Variants in MGAT4A observed in about 807,000 individuals in gnomAD.
The protein encoded by MGAT4A is alpha-1,3-mannosyl-glycoprotein 4-beta-N-acetylglucosaminyltransferase A.
A neutral mutation model predicts 74.1 loss-of-function variants in MGAT4A; 33 were observed. That is an observed-to-expected ratio of 0.45 (90% CI 0.34 to 0.60). MGAT4A has a LOEUF of 0.60. Among genes scored for constraint, MGAT4A ranks in the 20% least tolerant of loss-of-function variants. The pLI is 0.02. For synonymous variants in MGAT4A, 198 were observed against 210.4 expected, an observed-to-expected ratio of 0.94 and a Z score of 0.51; for missense variants, 479 against 628.3, an observed-to-expected ratio of 0.76 and a Z score of 2.54.
chr2:98,680,132 C>G (rs1481684623), intron 2 of MGAT4A, among the ~76,000 whole-genome samples: 1 of 151,606 alleles, frequency 6.6e-6, no homozygotes. Context: ...CAACCTCCGC[C>G]CCCTGGATTC....
At chr2:98,687,834 G>A (rs561357053) in intron 2 of MGAT4A, among the ~76,000 whole-genome samples, 23 of 152,276 alleles carry the variant, frequency 1.5e-4, no homozygotes, top group Non-Finnish European at 2.5e-4. Context: ...TCCAGGCTGC[G>A]GCACTCCCAC....
chr2:98,645,480 T>C lies in MGAT4A; in HGVS notation c.837A>G (p.Gln279=). The C allele has an allele frequency of 2.5e-6, 4 of 1,594,162 alleles. No homozygotes were observed. The highest frequency in any genetic ancestry group is 1.7e-4 in the Middle Eastern group (1 of 5,938). ...GAATCATCCATTCCTCAGAAGAAAG[T>C]TGAAGTGCAAAATTTTTTATGGTAT... is the stretch of plus-strand genomic sequence containing the variant. ...YFNTIKNFAL[Q]LSSEEWMILE... The change falls in exon 9 of 16, where the codon CAA becomes CAG. Residue 279 remains glutamine (Q), a synonymous_variant. Transcript: ENST00000393487.
intron 6 of MGAT4A, among the ~76,000 whole-genome samples, chr2:98,657,314 A>G (rs2104262137): frequency 6.6e-6 from 1 of 152,254 alleles, no homozygotes; most frequent in Non-Finnish European, 1.5e-5. Context: ...TTTTCTACAC[A>G]CTAAGGAAGA....
chr2:98,639,919 T>C lies in MGAT4A; in HGVS notation c.1211A>G (p.Gln404Arg). 1 of 1,614,156 alleles carries C rather than the reference T, an allele frequency of 6.2e-7. No individual in the cohort carries two copies. The highest frequency in any genetic ancestry group is 8.5e-7 in the Non-Finnish European group (1 of 1,179,990). The part of the protein sequence containing the change: ...AEVSTSLKVY[Q>R]GHTLEKTYMG... ...GTAAGTTTTCTCCAGCGTATGCCCTTGGTAGACCTTCAAGGAAGTAGATAC... is the reference window on the plus strand; with the variant it reads ...GTAAGTTTTCTCCAGCGTATGCCCTCGGTAGACCTTCAAGGAAGTAGATAC... The change falls in exon 12 of 16, where the codon CAA becomes CGA. Residue 404 changes from glutamine to arginine, a missense_variant. Coordinates refer to ENST00000393487, the MANE Select transcript of MGAT4A (RefSeq NM_012214.3).
intron 8 of MGAT4A, among the ~76,000 whole-genome samples, chr2:98,647,410 G>A (rs1481636417): frequency 2.0e-5 from 3 of 152,154 alleles, no homozygotes; most frequent in African/African-American, 7.2e-5. Context: ...TGCCTCTTGG[G>A]TTCAAGTGAT....
chr2:98,656,535 T>A, intron 6 of MGAT4A, 70 bp from the exon 7 acceptor site: 1 of 1,032,966 alleles, frequency 9.7e-7, no homozygotes, highest in Non-Finnish European at 1.5e-6. Flanking sequence ...CTCAATACAC[T>A]GTGTTTAACA....
At chr2:98,648,722 CAA>C (rs1339443335) in intron 8 of MGAT4A, among the ~76,000 whole-genome samples, 50 of 121,548 alleles carry the variant, frequency 4.1e-4, no homozygotes, top group Non-Finnish European at 4.6e-4. Context: ...ACCCTGTCTC[CAA>C]AAAAAAAAAA....
chr2:98,655,905 A>G (rs1173828188), intron 7 of MGAT4A: 2 of 184,174 alleles, frequency 1.1e-5, no homozygotes, highest in Non-Finnish European at 2.2e-5. Context: ...TTCCTTGACC[A>G]CAGACCCTTT....
chr2:98,630,634 T>C (rs1207713682), intron 14 of MGAT4A, among the ~76,000 whole-genome samples: 2 of 152,136 alleles, frequency 1.3e-5, no homozygotes, highest in African/African-American at 4.8e-5. Context: ...GGCATTTTGT[T>C]CCATGAAAAA....
At position 98,678,438 on chromosome 2, in the gene MGAT4A, G is replaced by A. The variant is rs140376919; in HGVS notation, c.128C>T (p.Ala43Val). Residue 43 changes from alanine (A) to valine (V), a missense_variant, in exon 3 of 16, where the codon GCT (alanine) becomes GTT (valine). Transcript: ENST00000393487. ...AGCTATTCGAAGACGTTCTTTCAAA[G>A]CAAGGAATTCTCGTTGATAAGCAAT... ...KLIAYQREFLALKERLRIAEH... is the reference protein window; with the variant it reads ...KLIAYQREFLVLKERLRIAEH... 517 of 1,582,012 alleles carry A rather than the reference G, an allele frequency of 3.3e-4. No individual in the cohort carries two copies. The highest frequency in any genetic ancestry group is 4.3e-4 in the Non-Finnish European group (495 of 1,159,350).
At chr2:98,693,584 G>C (rs1298769365) in intron 2 of MGAT4A, among the ~76,000 whole-genome samples, 1 of 151,856 alleles carries the variant, frequency 6.6e-6, no homozygotes, top group Non-Finnish European at 1.5e-5. Flanking sequence ...GCACGCATCT[G>C]TGGTCCCACA....
chr2:98,678,249 A>AAATAT (rs67023324), intron 3 of MGAT4A, 55 bp downstream of exon 3: 32 of 263,706 alleles, frequency 1.2e-4, no homozygotes, highest in African/African-American at 7.5e-4. Flanking sequence ...AAAAAAAAAA[A>AAATAT]ATATATATAT....
In MGAT4A at chr2:98,663,163, GC is replaced by G; in HGVS notation, c.419del (p.Gly140AlafsTer5). The G allele has an allele frequency of 6.3e-7, 1 of 1,587,078 alleles. No homozygotes were observed. Among genetic ancestry groups the G allele is most frequent in the Non-Finnish European group, 8.6e-7 (1 of 1,167,980 alleles). The stretch of plus-strand genomic sequence containing the variant: ...TAACTTCTCTCTTCACTGTGGGAAT[GC>G]CCATGACTATTGAAACTGGAAAAAA... ...NGRTGVSIVM[G>X]IPTVKREVKS... On this transcript the variant is annotated frameshift_variant, in exon 5 of 16. Transcript: ENST00000393487. LOFTEE classifies it high-confidence loss of function.
intron 2 of MGAT4A, among the ~76,000 whole-genome samples, chr2:98,692,757 G>A (rs1048925342): frequency 2.0e-5 from 3 of 152,186 alleles, no homozygotes; most frequent in African/African-American, 4.8e-5. Flanking sequence ...GGAGCAGTAC[G>A]TAGGTGTGTA....
intron 2 of MGAT4A, among the ~76,000 whole-genome samples, chr2:98,723,584 C>T (rs938259518): frequency 6.6e-6 from 1 of 152,166 alleles, no homozygotes; most frequent in African/African-American, 2.4e-5. Flanking sequence ...CCTTGCAGTA[C>T]TGTGATTACC....
Position 98,625,376 on chromosome 2 carries a change from T to G in MGAT4A, c.*190A>C, listed in dbSNP as rs1362636375. 2 of 1,399,388 alleles carry G rather than the reference T, an allele frequency of 1.4e-6. No individual in the cohort carries two copies. The highest frequency in any genetic ancestry group is 1.9e-6 in the Non-Finnish European group (2 of 1,076,930). 86.7% of individuals were successfully genotyped at this position (1,399,388 alleles called of 1,614,324 possible). On this transcript the variant is annotated 3_prime_UTR_variant, in exon 16 of 16. Transcript: ENST00000393487. ...AAAATGTTTGAGTCAAGTTAAAATC[T>G]GAGGACAGCTTAGTTTCAAACAAAT... is the stretch of plus-strand genomic sequence containing the variant.
At position 98,622,555 on chromosome 2, in the gene MGAT4A, C is replaced by T. The variant is rs1408516157; in HGVS notation, c.*3011G>A. 3.0e-6 allele frequency: 3 copies of T among 985,454 alleles called. No homozygotes were observed. The East Asian group carries it at 3.4e-4, about 112-fold the overall frequency. 61.0% of individuals were successfully genotyped at this position (985,454 alleles called of 1,614,324 possible). A position where few individuals can be genotyped will look rare whatever the true frequency, so the allele number is the denominator to read the frequency against. ...TCCAGTTCCAGGGACTCTTCCCCTC[C>T]CTTAATCTTCTGCCCTCACACTGCT... On this transcript the variant is annotated 3_prime_UTR_variant, in exon 16 of 16. Transcript: ENST00000393487.
chr2:98,686,550 G>GT lies in MGAT4A; in HGVS notation c.95-8080dup, dbSNP rs200645695. Among the ~76,000 whole-genome samples, 258 of 145,726 alleles carry GT rather than the reference G, an allele frequency of 1.8e-3. 1 individual carries two copies. The highest frequency in any genetic ancestry group is 3.0e-3 in the Admixed American group (43 of 14,532). On this transcript the variant is annotated intron_variant, in intron 2 of 15. Transcript: ENST00000393487. The stretch of plus-strand genomic sequence containing the variant: ...ACAGGTTTTTTTTTGGTTTTTTGGT[G>GT]TTTTTTTTTTTCTGGAGACAGAGTC...
chr2:98,659,064 G>A (rs1192523569), intron 5 of MGAT4A, among the ~76,000 whole-genome samples: 2 of 152,184 alleles, frequency 1.3e-5, no homozygotes, highest in African/African-American at 4.8e-5. Flanking sequence ...AACCCAGCAT[G>A]GAGGGTAGAA....
Sources: gnomAD v4.1 joint callset for allele counts (sites outside exome capture counted in the v4.1 genomes callset) on GRCh38, gnomAD v4.1.1 for gene constraint, MANE v1.5 for transcripts, NCBI Gene and HGNC (gene_info 2026-07-23, HGNC 2026-07-21) for gene names.